PCDH15: variants seen among roughly 807,000 people sequenced by gnomAD.
The protein encoded by PCDH15 is protocadherin related 15.
PCDH15 carries 129 observed loss-of-function variants against 178.5 expected under a neutral mutation model. The observed-to-expected ratio is 0.72, with a 90% CI of 0.63 to 0.84. The LOEUF (loss-of-function observed/expected upper bound fraction) is 0.84, where lower values mean the gene tolerates loss of function less well. PCDH15 is among the 40% of genes least tolerant of loss of function. The pLI, the probability that PCDH15 is intolerant of heterozygous loss-of-function variation, is 0.00. For synonymous variants in PCDH15, 800 were observed against 732.0 expected (o/e 1.09, Z -1.50); for missense variants, 2,230 against 2,099.9 (o/e 1.06, Z -1.21).
intron 1 of PCDH15, among the ~76,000 whole-genome samples, chr10:55,189,555 A>G (rs1416824570): frequency 6.6e-6 from 1 of 151,146 alleles, no homozygotes; most frequent in Non-Finnish European, 1.5e-5. Flanking sequence ...ACTCTCCAGA[A>G]CTTGATTTTG....
intron 2 of PCDH15, among the ~76,000 whole-genome samples, chr10:54,576,316 C>T (rs1030210551): frequency 1.3e-5 from 2 of 152,098 alleles, no homozygotes; most frequent in East Asian, 1.9e-4. Flanking sequence ...ATGTAGTTAG[C>T]GATTTAAGTT....
chr10:54,812,627 T>A (rs1952882992), intron 3 of PCDH15, among the ~76,000 whole-genome samples: 1 of 152,072 alleles, frequency 6.6e-6, no homozygotes, highest in Non-Finnish European at 1.5e-5. Context: ...CCCAGGTAAT[T>A]TTTATATTTT....
At chr10:54,028,017 G>A (rs1171467167) in intron 18 of PCDH15, among the ~76,000 whole-genome samples, 1 of 150,658 alleles carries the variant, frequency 6.6e-6, no homozygotes, top group Non-Finnish European at 1.5e-5. Flanking sequence ...CCACACAATG[G>A]GAGAAAATTT....
intron 15 of PCDH15, among the ~76,000 whole-genome samples, chr10:54,128,683 G>A (rs2042179824): frequency 1.3e-5 from 2 of 152,098 alleles, no homozygotes; most frequent in African/African-American, 4.8e-5. Flanking sequence ...TTGGAGTATT[G>A]TACTCAGAAT....
At chr10:54,848,456 G>T (rs943615362) in intron 3 of PCDH15, among the ~76,000 whole-genome samples, 1 of 149,264 alleles carries the variant, frequency 6.7e-6, no homozygotes, top group Non-Finnish European at 1.5e-5. Context: ...TTTTCAAGAA[G>T]AGAGAGACTT....
intron 2 of PCDH15, among the ~76,000 whole-genome samples, chr10:54,903,850 G>A (rs552378064): frequency 6.6e-6 from 1 of 152,028 alleles, no homozygotes; most frequent in Non-Finnish European, 1.5e-5. Flanking sequence ...GAGTTCATTT[G>A]TCAAGTGAAT....
At chr10:54,812,821 A>G (rs892335670) in intron 3 of PCDH15, among the ~76,000 whole-genome samples, 1 of 151,780 alleles carries the variant, frequency 6.6e-6, no homozygotes, top group African/African-American at 2.4e-5. Context: ...CTGGTCTCGA[A>G]CTCCTAACCT....
At chr10:54,520,298 T>C (rs2082707270) in intron 3 of PCDH15, among the ~76,000 whole-genome samples, 2 of 151,940 alleles carry the variant, frequency 1.3e-5, no homozygotes, top group Admixed American at 1.3e-4. Flanking sequence ...GGGAGAAAAT[T>C]TTTGCAACCT....
At chr10:55,595,927 T>G (rs1331408535) in intron 2 of PCDH15, among the ~76,000 whole-genome samples, 1 of 152,234 alleles carries the variant, frequency 6.6e-6, no homozygotes, top group Admixed American at 6.5e-5. Context: ...TAAGAACGTC[T>G]AATAATAATG....
intron 2 of PCDH15, among the ~76,000 whole-genome samples, chr10:54,586,763 G>A (rs2091497004): frequency 6.6e-6 from 1 of 152,030 alleles, no homozygotes; most frequent in South Asian, 2.1e-4. Flanking sequence ...TAAAGTGCTG[G>A]GATTACAGGC....
At chr10:54,956,896 T>C (rs1305402901) in intron 2 of PCDH15, among the ~76,000 whole-genome samples, 2 of 151,660 alleles carry the variant, frequency 1.3e-5, no homozygotes, top group African/African-American at 2.4e-5. Context: ...TCATTGAATA[T>C]GGAATATGCT....
At chr10:55,155,771 A>T (rs2254685) in intron 2 of PCDH15, among the ~76,000 whole-genome samples, 60,818 of 151,824 alleles carry the variant, frequency 0.4, 12,845 homozygotes, top group African/African-American at 0.54. Flanking sequence ...GAGTAAACTG[A>T]CAATTCAGTG....
intron 2 of PCDH15, among the ~76,000 whole-genome samples, chr10:55,408,651 A>C (rs145797328): frequency 6.6e-6 from 1 of 152,154 alleles, no homozygotes; most frequent in South Asian, 2.1e-4. Flanking sequence ...AAAATGGTAT[A>C]CAATATGTAC....
chr10:55,382,823 G>A (rs112615250), intron 2 of PCDH15, among the ~76,000 whole-genome samples: 1,597 of 152,224 alleles, frequency 0.01, 30 homozygotes, highest in African/African-American at 0.036. Context: ...CTTGGCCACC[G>A]CAGTGATCAA....
chr10:54,394,880 T>A (rs911591944), intron 3 of PCDH15, among the ~76,000 whole-genome samples: 1 of 152,142 alleles, frequency 6.6e-6, no homozygotes, highest in African/African-American at 2.4e-5. Flanking sequence ...AAGAATTCAG[T>A]GATATTTCTC....
intron 1 of PCDH15, among the ~76,000 whole-genome samples, chr10:54,739,503 G>C (rs1461623914): frequency 1.3e-5 from 2 of 150,868 alleles, no homozygotes; most frequent in East Asian, 2.0e-4. Context: ...ACCAGCTAAA[G>C]TGATCTACAG....
chr10:55,423,306 G>A (rs550444870), intron 2 of PCDH15, among the ~76,000 whole-genome samples: 6 of 152,054 alleles, frequency 3.9e-5, no homozygotes, highest in Admixed American at 2.6e-4. Context: ...AGAATTCCTC[G>A]AAGTAGGATG....
chr10:55,552,078 G>C (rs774405708), intron 2 of PCDH15, among the ~76,000 whole-genome samples: 1 of 151,676 alleles, frequency 6.6e-6, no homozygotes, highest in Non-Finnish European at 1.5e-5. Context: ...TTTATTTATT[G>C]CTTTCTTACA....
chr10:54,865,053 T>C (rs1044882830), intron 3 of PCDH15, among the ~76,000 whole-genome samples: 1 of 152,188 alleles, frequency 6.6e-6, no homozygotes, highest in Non-Finnish European at 1.5e-5. Context: ...TAATATTATG[T>C]ATCAACTTGA....
Sources: gnomAD v4.1 joint callset for allele counts (sites outside exome capture counted in the v4.1 genomes callset) on GRCh38, gnomAD v4.1.1 for gene constraint, MANE v1.5 for transcripts, NCBI Gene and HGNC (gene_info 2026-07-23, HGNC 2026-07-21) for gene names.